The following ZER1 variants were observed in gnomAD, a reference collection of about 807,000 sequenced individuals.
ZER1 encodes the protein protein zer-1 homolog.
A neutral mutation model predicts 78.8 loss-of-function variants in ZER1; 11 were observed. The ratio of observed to expected loss-of-function variants is 0.14; its 90% CI spans 0.09 to 0.23. ZER1 has a LOEUF of 0.23. Ranked by LOEUF, ZER1 falls within the 10% of genes least tolerant of loss-of-function variation. ZER1 has a pLI of 1.00. For missense variants in ZER1, 588 were observed against 996.9 expected (o/e 0.59, Z 5.52); for synonymous variants, 400 against 407.0 (o/e 0.98, Z 0.21).
intron 15 of ZER1, 47 bp from the exon 16 acceptor site, chr9:128,731,441 G>GGGGGGGGGGGGGGGGGGCC: frequency 1.4e-6 from 1 of 704,904 alleles, no homozygotes; most frequent in Non-Finnish European, 2.6e-6. Flanking sequence ...CTTGGGTGGG[G>GGGGGGGGGGGGGGGGGGCC]GTGAGCCCAG....
intron 13 of ZER1, among the ~76,000 whole-genome samples, chr9:128,739,109 T>C (rs989818451): frequency 5.1e-4 from 78 of 151,778 alleles, no homozygotes; most frequent in Non-Finnish European, 1.1e-3. Context: ...CTCAGCCTCC[T>C]AAAGTGCTAT....
Position 128,751,018 on chromosome 9 carries a change from A to C in ZER1, c.1185+104T>G, listed in dbSNP as rs1863658296. The C allele has an allele frequency of 6.8e-7, 1 of 1,472,100 alleles. No homozygotes were observed. Among genetic ancestry groups the C allele is most frequent in the East Asian group, 2.3e-5 (1 of 42,624 alleles). The allele number at this position is 1,472,100 out of a possible 1,614,324, so 91.2% of individuals were successfully genotyped here. On this transcript the variant is annotated intron_variant, in intron 7 of 15. Transcript: ENST00000291900. The surrounding 1 kb of genome is among the most constrained non-coding windows in gnomAD (Gnocchi z 5.4). ...GGGTTCGGGTCCTGGGGCCCTGGGG[A>C]CAGGGTGCAGAAGGACACAGGCTCT...
intron 1 of ZER1, among the ~76,000 whole-genome samples, chr9:128,765,477 G>A (rs1225425333): frequency 6.6e-6 from 1 of 152,178 alleles, no homozygotes; most frequent in Admixed American, 6.5e-5. Flanking sequence ...CAAACCTAAA[G>A]CAGACCCCCG....
At chr9:128,734,162 T>TATATATATAA (rs1424101118) in intron 14 of ZER1, among the ~76,000 whole-genome samples, 8 of 63,446 alleles carry the variant, frequency 1.3e-4, no homozygotes, top group African/African-American at 3.5e-4. Context: ...TATATATATA[T>TATATATATAA]AAAATCTTAA....
chr9:128,743,240 CCTGAGTAGCTGGG>C (rs1863366889), intron 8 of ZER1, among the ~76,000 whole-genome samples: 1 of 152,052 alleles, frequency 6.6e-6, no homozygotes, highest in Admixed American at 6.5e-5. Flanking sequence ...GCCTCAGCCT[CCTGAGTAGCTGGG>C]ATTACAGGCG....
intron 1 of ZER1, among the ~76,000 whole-genome samples, chr9:128,768,608 C>G (rs889015129): frequency 1.3e-5 from 2 of 152,186 alleles, no homozygotes; most frequent in African/African-American, 2.4e-5. Context: ...CATGCTGGCT[C>G]TCAGCTCCTA....
intron 1 of ZER1, among the ~76,000 whole-genome samples, chr9:128,764,482 A>T (rs780479625): frequency 6.6e-6 from 1 of 152,076 alleles, no homozygotes; most frequent in African/African-American, 2.4e-5. Flanking sequence ...TGGAAGAAAC[A>T]CCACCACGTC....
At chr9:128,752,107 C>T (rs566603394) in intron 5 of ZER1, among the ~76,000 whole-genome samples, 2 of 152,314 alleles carry the variant, frequency 1.3e-5, no homozygotes, top group Admixed American at 6.5e-5. Context: ...CTGGCAGAGG[C>T]AGAATGAGCT....
At chr9:128,743,946 T>C (rs932043504) in intron 8 of ZER1, among the ~76,000 whole-genome samples, 12 of 125,870 alleles carry the variant, frequency 9.5e-5, no homozygotes, top group African/African-American at 3.7e-4. Context: ...TCGCCCAGGG[T>C]GGAGTGCAGT....
rs1489409585 is a variant in ZER1 at position 128,752,027 on chromosome 9, CCT to C, written c.924-502_924-501del. ...GTCAGGCTGAGTGTTGGGTAGTTCC[CCT>C]GTCGCTCCTCATGCTCTCACCTACT... is the stretch of plus-strand genomic sequence containing the variant. On this transcript the variant is annotated intron_variant, in intron 5 of 15. Coordinates refer to ENST00000291900, the MANE Select transcript of ZER1 (RefSeq NM_006336.4). 2.6e-5 allele frequency among the ~76,000 whole-genome samples: 4 copies of C among 152,328 alleles called. No homozygotes were observed. The East Asian group carries it at 5.8e-4, about 22-fold the overall frequency.
Position 128,753,439 on chromosome 9 carries a change from G to A in ZER1, c.471C>T (p.Leu157=), listed in dbSNP as rs773875900. Reference sequence around the variant, plus strand: ...CCAGCACCTGGCAGGTGGGGTTGACGAGGTACTCATCTTCACAGCCCCCTG... The same window carrying A: ...CCAGCACCTGGCAGGTGGGGTTGACAAGGTACTCATCTTCACAGCCCCCTG... The part of the protein sequence containing the change: ...ENPGGCEDEY[L]VNPTCQVLVK... Residue 157 remains leucine (L), a synonymous_variant, in exon 4 of 16, where the codon CTC becomes CTT. Transcript: ENST00000291900. The surrounding 1 kb of genome is among the most constrained non-coding windows in gnomAD (Gnocchi z 7.5). 35 of 1,614,046 alleles carry A rather than the reference G, an allele frequency of 2.2e-5. No individual in the cohort carries two copies. Among genetic ancestry groups the A allele is most frequent in the Non-Finnish European group, 2.9e-5 (34 of 1,180,026 alleles).
At chr9:128,772,062 G>C (rs1479547336), upstream of ZER1, 4 of 152,316 alleles carry the variant, frequency 2.6e-5, no homozygotes, top group African/African-American at 9.6e-5. Context: ...GGCCCGGCAC[G>C]TTACGCCGGT....
Position 128,771,733 on chromosome 9 carries a change from G to C in ZER1, c.-247C>G, listed in dbSNP as rs1309532284. 6.6e-6 allele frequency: 1 copy of C among 152,358 alleles called. No individual in the cohort carries two copies. Among genetic ancestry groups the C allele is most frequent in the Non-Finnish European group, 1.5e-5 (1 of 68,160 alleles). The allele number at this position is 152,358 out of a possible 1,614,324, so 9.4% of individuals were successfully genotyped here. Reference sequence around the variant, plus strand: ...AGAGCCGGGGTCCAGGGGAGACGGGGGTCGGCGGGGCGGAGCTTGGGATCC... The same window carrying C: ...AGAGCCGGGGTCCAGGGGAGACGGGCGTCGGCGGGGCGGAGCTTGGGATCC... On this transcript the variant is annotated 5_prime_UTR_variant, in exon 1 of 16. Transcript: ENST00000291900.
chr9:128,744,166 G>A (rs1863406082), intron 8 of ZER1, among the ~76,000 whole-genome samples: 1 of 151,952 alleles, frequency 6.6e-6, no homozygotes, highest in African/African-American at 2.4e-5. Flanking sequence ...CAAAGTGCTG[G>A]GATTACAGGC....
intron 13 of ZER1, among the ~76,000 whole-genome samples, chr9:128,739,168 G>A (rs1222815743): frequency 6.6e-6 from 1 of 151,698 alleles, no homozygotes; most frequent in Non-Finnish European, 1.5e-5. Flanking sequence ...AAAATTTTTC[G>A]TAAAGAGGAA....
chr9:128,758,775 A>G (rs923432256), intron 1 of ZER1, among the ~76,000 whole-genome samples: 23 of 151,152 alleles, frequency 1.5e-4, no homozygotes, highest in African/African-American at 5.6e-4. Flanking sequence ...AGTCAGACAC[A>G]AAAGGATCTA....
intron 13 of ZER1, among the ~76,000 whole-genome samples, chr9:128,736,952 T>G (rs1482065907): frequency 6.6e-6 from 1 of 151,960 alleles, no homozygotes; most frequent in East Asian, 1.9e-4. Context: ...GAGACCAACC[T>G]GGGCAACACA....
chr9:128,750,533 C>CG, intron 8 of ZER1, 83 bp downstream of exon 8: 1 of 1,510,410 alleles, frequency 6.6e-7, no homozygotes. Flanking sequence ...AGCCCAGAGC[C>CG]GGGGGAGCCC....
intron 13 of ZER1, among the ~76,000 whole-genome samples, chr9:128,738,578 G>A (rs146486503): frequency 0.012 from 1,832 of 146,958 alleles, 30 homozygotes; most frequent in African/African-American, 0.043. Context: ...GTAGAGGTGG[G>A]GTTTCACTGC....
Sources: gnomAD v4.1 joint callset for allele counts (sites outside exome capture counted in the v4.1 genomes callset) on GRCh38, gnomAD v4.1.1 for gene constraint, Gnocchi (gnomAD v3.1) non-coding constraint, MANE v1.5 for transcripts, NCBI Gene and HGNC (gene_info 2026-07-23, HGNC 2026-07-21) for gene names.